CASP6: variants seen among roughly 807,000 people sequenced by gnomAD.
The protein encoded by CASP6 is caspase 6, also known as caspase-6.
A neutral mutation model predicts 31.8 loss-of-function variants in CASP6; 20 were observed. The observed-to-expected ratio is 0.63, with a 90% CI of 0.44 to 0.91. CASP6 has a LOEUF of 0.91. Among genes scored for constraint, CASP6 ranks in the 40% least tolerant of loss-of-function variants. The probability of loss-of-function intolerance (pLI) is 0.00; values close to 1 mark genes in which losing one functional copy is unlikely to be tolerated. For missense variants in CASP6, 328 were observed against 361.1 expected, an observed-to-expected ratio of 0.91 and a Z score of 0.74; for synonymous variants, 130 against 127.8, an observed-to-expected ratio of 1.02 and a Z score of -0.12.
the CASP6 span, among the ~76,000 whole-genome samples, chr4:109,668,418 TC>T: frequency 2.0e-5 from 3 of 152,168 alleles, no homozygotes; most frequent in African/African-American, 7.2e-5. Context: ...CTTTCCTTGC[TC>T]TAATGTCTGT....
chr4:109,700,307 C>T (rs949592191), intron 1 of CASP6, among the ~76,000 whole-genome samples: 1 of 152,200 alleles, frequency 6.6e-6, no homozygotes, highest in Non-Finnish European at 1.5e-5. Context: ...TTAGTCAAGA[C>T]CTACAGGTTT....
At chr4:109,701,757 C>T (rs1730427290) in intron 1 of CASP6, among the ~76,000 whole-genome samples, 1 of 152,168 alleles carries the variant, frequency 6.6e-6, no homozygotes, top group Non-Finnish European at 1.5e-5. Context: ...GGCCTGATGC[C>T]TTAGATACCT....
chr4:109,701,028 G>A (rs5030533), intron 1 of CASP6, among the ~76,000 whole-genome samples: 7,846 of 152,148 alleles, frequency 0.052, 706 homozygotes, highest in African/African-American at 0.18. Context: ...GCGTGGTCTC[G>A]GCTCACCACA....
the CASP6 span, among the ~76,000 whole-genome samples, chr4:109,673,211 T>C: frequency 6.6e-6 from 1 of 152,208 alleles, no homozygotes; most frequent in East Asian, 1.9e-4. Context: ...CCCTGGAAGG[T>C]CTTTCACTTG....
downstream of CASP6, among the ~76,000 whole-genome samples, chr4:109,684,065 C>CTT (rs71595507): frequency 4.9e-3 from 683 of 140,030 alleles, 5 homozygotes; most frequent in East Asian, 0.014. Context: ...TTCCTCTTTT[C>CTT]TTTTTTTTTT....
the CASP6 span, among the ~76,000 whole-genome samples, chr4:109,669,696 T>C: frequency 1.3e-5 from 2 of 149,604 alleles, no homozygotes; most frequent in Non-Finnish European, 2.9e-5. Flanking sequence ...TGTTCTGTTC[T>C]GGTTTTTTTT....
chr4:109,666,050 AGAAG>A, the CASP6 span, among the ~76,000 whole-genome samples: 1 of 152,214 alleles, frequency 6.6e-6, no homozygotes, highest in Non-Finnish European at 1.5e-5. Flanking sequence ...GAGGCAGTAA[AGAAG>A]AAAGTGAAGA....
chr4:109,697,756 A>C lies in CASP6; in HGVS notation c.96T>G (p.Asp32Glu), dbSNP rs1038647440. 1 of 1,613,118 alleles carries C rather than the reference A, an allele frequency of 6.2e-7. No homozygotes were observed. Among genetic ancestry groups the C allele is most frequent in the Non-Finnish European group, 8.5e-7 (1 of 1,179,700 alleles). The change falls in exon 3 of 7, where the codon GAT becomes GAG. Residue 32 changes from aspartate (D) to glutamate (E), a missense_variant. Coordinates refer to ENST00000265164, the MANE Select transcript of CASP6 (RefSeq NM_001226.4). ...GGTCCATTTTGTACTTTTCTGCCGG[A>C]TCAAACATTTCTCTGTTAATGAAAA... ...TDAFYKREMFDPAEKYKMDHR... is the reference protein window; with the variant it reads ...TDAFYKREMFEPAEKYKMDHR...
At chr4:109,694,026 G>A (rs556264870) in intron 5 of CASP6, among the ~76,000 whole-genome samples, 4 of 152,212 alleles carry the variant, frequency 2.6e-5, no homozygotes, top group East Asian at 1.9e-4. Flanking sequence ...GAGCCATCAC[G>A]CCTGTAAAAA....
the CASP6 span, among the ~76,000 whole-genome samples, chr4:109,675,860 G>A: frequency 3.0e-4 from 45 of 152,322 alleles, no homozygotes; most frequent in South Asian, 8.5e-3. Context: ...GCCATGGGAT[G>A]ATGCAGCAAG....
chr4:109,687,749 CT>C (rs1729884065), downstream of CASP6: 1 of 599,098 alleles, frequency 1.7e-6, no homozygotes, highest in South Asian at 2.1e-5. Flanking sequence ...GAGATTTTTA[CT>C]TTTTGGATTT....
chr4:109,703,709 G>T (rs5030517), upstream of CASP6: 180 of 477,806 alleles, frequency 3.8e-4, no homozygotes, highest in African/African-American at 3.1e-3. Context: ...CACCCGGGGG[G>T]ACACACAGAC....
intron 1 of CASP6, among the ~76,000 whole-genome samples, chr4:109,700,420 G>A (rs1032320276): frequency 2.0e-5 from 3 of 152,132 alleles, no homozygotes; most frequent in Non-Finnish European, 4.4e-5. Flanking sequence ...TACCTGGAAG[G>A]CCAAGGCAGG....
chr4:109,704,088 C>T (rs1359569814), upstream of CASP6, among the ~76,000 whole-genome samples: 1 of 152,238 alleles, frequency 6.6e-6, no homozygotes, highest in Non-Finnish European at 1.5e-5. Flanking sequence ...TTCCACCGAA[C>T]TTTCCCTTCT....
rs753588859 is a variant in CASP6 at position 109,703,428 on chromosome 4, T to G, written c.-33A>C. Reference sequence around the variant, plus strand: ...AAACGCGCAGCCAGACACCTTGCCCTCCTCTTCCTGAAGCCACAGGCTCCC... The same window carrying G: ...AAACGCGCAGCCAGACACCTTGCCCGCCTCTTCCTGAAGCCACAGGCTCCC... On this transcript the variant is annotated 5_prime_UTR_variant, in exon 1 of 7. Coordinates refer to ENST00000265164, the MANE Select transcript of CASP6 (RefSeq NM_001226.4). 22 of 1,607,732 alleles carry G rather than the reference T, an allele frequency of 1.4e-5. No homozygotes were observed. Among genetic ancestry groups the G allele is most frequent in the Admixed American group, 1.7e-5 (1 of 59,474 alleles).
At chr4:109,706,001 A>ATAT (rs1491222928), upstream of CASP6, among the ~76,000 whole-genome samples, 2 of 31,674 alleles carry the variant, frequency 6.3e-5, no homozygotes, top group Non-Finnish European at 5.7e-5. Context: ...AAAAAAAAAA[A>ATAT]ATATATATAT....
chr4:109,673,890 G>A, the CASP6 span: 1 of 774,492 alleles, frequency 1.3e-6, no homozygotes, highest in Non-Finnish European at 2.4e-6. Flanking sequence ...AGGAATATCA[G>A]GGATCCAAAC....
the CASP6 span, among the ~76,000 whole-genome samples, chr4:109,666,164 T>C: frequency 6.6e-6 from 1 of 152,212 alleles, no homozygotes; most frequent in Admixed American, 6.5e-5. Context: ...GCTGAATAAT[T>C]GTTCATTATC....
chr4:109,690,815 G>C, intron 6 of CASP6, 35 bp downstream of exon 6: 1 of 1,561,202 alleles, frequency 6.4e-7, no homozygotes, highest in Non-Finnish European at 8.7e-7. Flanking sequence ...TTAGCCAAGA[G>C]AGGCAATTAT....
Sources: allele counts gnomAD v4.1 joint callset (sites outside exome capture counted in the v4.1 genomes callset), GRCh38; gene constraint gnomAD v4.1.1; transcripts MANE v1.5; gene names NCBI Gene and HGNC (gene_info 2026-07-23, HGNC 2026-07-21).